BACH2: variants seen among roughly 807,000 people sequenced by gnomAD.
The protein encoded by BACH2 is BACH transcriptional regulator 2, also known as transcription regulator protein BACH2.
Under a neutral mutation model 61.8 loss-of-function variants are expected in BACH2, and 5 were observed. That is an observed-to-expected ratio of 0.08 (90% CI 0.04 to 0.17). The LOEUF is 0.17. Among genes scored for constraint, BACH2 ranks in the 10% least tolerant of loss-of-function variants. The pLI is 1.00. For missense variants in BACH2, 824 were observed against 1,091.1 expected (o/e 0.76, Z 3.45); for synonymous variants, 446 against 440.1 (o/e 1.01, Z -0.17).
At chr6:90,287,180 A>C (rs2127890040) in intron 1 of BACH2, among the ~76,000 whole-genome samples, 1 of 152,276 alleles carries the variant, frequency 6.6e-6, no homozygotes, top group South Asian at 2.1e-4. Context: ...CCAGGTATTT[A>C]CCTGCCAACA....
In BACH2 at chr6:90,058,775, C is replaced by T. The variant is rs531868531; in HGVS notation, c.-13+30186G>A. Among the ~76,000 whole-genome samples, 4 of 152,122 alleles carry T rather than the reference C, an allele frequency of 2.6e-5. No individual in the cohort carries two copies. The East Asian group carries it at 7.7e-4, about 29-fold the overall frequency. On this transcript the variant is annotated intron_variant, in intron 5 of 8. Coordinates refer to ENST00000257749, the MANE Select transcript of BACH2 (RefSeq NM_021813.4). ...AGCATGGTACTGGTACCAAGACAGACATATAGATCAATGGAACAGAACAGA... is the reference window on the plus strand; with the variant it reads ...AGCATGGTACTGGTACCAAGACAGATATATAGATCAATGGAACAGAACAGA...
intron 4 of BACH2, among the ~76,000 whole-genome samples, chr6:90,100,708 C>CACATACACACACACACAG (rs879484053): frequency 0.12 from 17,002 of 143,106 alleles, 1,330 homozygotes; most frequent in Non-Finnish European, 0.16. Flanking sequence ...CACAGACACA[C>CACATACACACACACACAG]ACACACACAC....
chr6:90,219,192 T>C (rs372740013), intron 3 of BACH2, among the ~76,000 whole-genome samples: 3 of 152,210 alleles, frequency 2.0e-5, no homozygotes, highest in African/African-American at 7.2e-5. Flanking sequence ...CTAAAAGTCT[T>C]TCTTGTAAGT....
chr6:90,279,522 CAAAA>C (rs10637718), intron 1 of BACH2, among the ~76,000 whole-genome samples: 1 of 124,194 alleles, frequency 8.1e-6, no homozygotes, highest in Admixed American at 8.2e-5. Flanking sequence ...GACTCCGTCT[CAAAA>C]AAAAAAAAAA....
At chr6:90,118,554 A>C (rs890646609) in intron 4 of BACH2, among the ~76,000 whole-genome samples, 4 of 152,322 alleles carry the variant, frequency 2.6e-5, no homozygotes, top group African/African-American at 9.6e-5. Context: ...CCTCTTGTTA[A>C]TACAGGCATA....
intron 5 of BACH2, among the ~76,000 whole-genome samples, chr6:90,071,117 T>C (rs1417131702): frequency 1.3e-5 from 2 of 152,198 alleles, no homozygotes; most frequent in Non-Finnish European, 2.9e-5. Flanking sequence ...GCCCAAAGCA[T>C]TGGAATTACA....
At position 90,242,388 on chromosome 6, in the gene BACH2, G is replaced by C. The variant is rs569882024; in HGVS notation, c.-275+10125C>G. On this transcript the variant is annotated intron_variant, in intron 3 of 8. Transcript: ENST00000257749. Reference sequence around the variant, plus strand: ...CTTTCACTTAGCAATATGCATTTAAGGTTCCTTTGTGTCTTTCTGTGGCTT... The same window carrying C: ...CTTTCACTTAGCAATATGCATTTAACGTTCCTTTGTGTCTTTCTGTGGCTT... 2.0e-5 allele frequency among the ~76,000 whole-genome samples: 3 copies of C among 152,276 alleles called. No homozygotes were observed. The East Asian group carries it at 5.8e-4, about 29-fold the overall frequency.
intron 4 of BACH2, among the ~76,000 whole-genome samples, chr6:90,115,252 C>A (rs1435945356): frequency 6.6e-6 from 1 of 152,170 alleles, no homozygotes; most frequent in East Asian, 1.9e-4. Context: ...TGAGGAATCA[C>A]GTTACCTGAC....
intron 1 of BACH2, among the ~76,000 whole-genome samples, chr6:90,277,299 G>C (rs926031530): frequency 3.3e-5 from 5 of 152,136 alleles, no homozygotes; most frequent in African/African-American, 4.8e-5. Flanking sequence ...ATATAGCATG[G>C]AGAATGAAAA....
chr6:90,095,147 G>A (rs1436526809), intron 4 of BACH2, among the ~76,000 whole-genome samples: 2 of 151,928 alleles, frequency 1.3e-5, no homozygotes, highest in South Asian at 2.1e-4. Flanking sequence ...GTAGTCGCAC[G>A]CCATTTTATG....
At chr6:90,069,908 T>C (rs956172410) in intron 5 of BACH2, among the ~76,000 whole-genome samples, 3 of 152,016 alleles carry the variant, frequency 2.0e-5, no homozygotes, top group Admixed American at 6.5e-5. Context: ...AGGTCAGGTC[T>C]GGGGGCAGGT....
chr6:90,129,873 T>A (rs1389164682), intron 4 of BACH2, among the ~76,000 whole-genome samples: 4 of 151,950 alleles, frequency 2.6e-5, no homozygotes, highest in African/African-American at 9.7e-5. Flanking sequence ...TTTTTGTTGT[T>A]GTTGTTTGTT....
At chr6:90,112,754 T>C (rs1380436430) in intron 4 of BACH2, among the ~76,000 whole-genome samples, 3 of 152,064 alleles carry the variant, frequency 2.0e-5, no homozygotes, top group Admixed American at 1.3e-4. Flanking sequence ...ATACATACAA[T>C]ACTAACCTTG....
chr6:90,243,870 T>C (rs376950532), intron 3 of BACH2, among the ~76,000 whole-genome samples: 1 of 152,220 alleles, frequency 6.6e-6, no homozygotes, highest in African/African-American at 2.4e-5. Flanking sequence ...ATTTCATTGA[T>C]TGGAATAGCT....
At chr6:90,257,270 T>C (rs184645288) in intron 2 of BACH2, among the ~76,000 whole-genome samples, 202 of 152,296 alleles carry the variant, frequency 1.3e-3, no homozygotes, top group Non-Finnish European at 1.8e-3. Flanking sequence ...TCATATATGG[T>C]AGTTCTGTTT....
intron 7 of BACH2, among the ~76,000 whole-genome samples, chr6:89,949,784 G>T (rs1265465786): frequency 2.0e-5 from 3 of 152,122 alleles, no homozygotes; most frequent in Admixed American, 1.3e-4. Flanking sequence ...GGGGTCTTCT[G>T]TTGACAAGGA....
chr6:90,086,327 C>CT lies in BACH2; in HGVS notation c.-13+2633dup, dbSNP rs374889406. ...ACACATCTATCTGCTCAATTCCCTACTTTCACTTTTTTTGGTATATACCCA... is the reference window on the plus strand; with the variant it reads ...ACACATCTATCTGCTCAATTCCCTACTTTTCACTTTTTTTGGTATATACCCA... On this transcript the variant is annotated intron_variant, in intron 5 of 8. Coordinates refer to ENST00000257749, the MANE Select transcript of BACH2 (RefSeq NM_021813.4). Among the ~76,000 whole-genome samples, 387 of 152,282 alleles carry CT rather than the reference C, an allele frequency of 2.5e-3. 3 individuals carry two copies. The highest frequency in any genetic ancestry group is 8.8e-3 in the African/African-American group (365 of 41,560).
At chr6:90,010,066 C>A (rs1473049941) in intron 5 of BACH2, among the ~76,000 whole-genome samples, 1 of 152,164 alleles carries the variant, frequency 6.6e-6, no homozygotes, top group Non-Finnish European at 1.5e-5. Context: ...GTAGCGAGTC[C>A]TACTTTCTTT....
At position 90,246,045 on chromosome 6, in the gene BACH2, C is replaced by T. The variant is rs144778993; in HGVS notation, c.-275+6468G>A. On this transcript the variant is annotated intron_variant, in intron 3 of 8. Coordinates refer to ENST00000257749, the MANE Select transcript of BACH2 (RefSeq NM_021813.4). ...GGCAGAAGTTAAGTTGGACTGATAA[C>T]GTGGCAAGCTGGGTCTGAGTGACTA... 2.8e-3 allele frequency among the ~76,000 whole-genome samples: 432 copies of T among 152,226 alleles called. 2 individuals are homozygous for T. The highest frequency in any genetic ancestry group is 9.9e-3 in the African/African-American group (412 of 41,532).
Sources: allele counts gnomAD v4.1 joint callset (sites outside exome capture counted in the v4.1 genomes callset), GRCh38; gene constraint gnomAD v4.1.1; transcripts MANE v1.5; gene names NCBI Gene and HGNC (gene_info 2026-07-23, HGNC 2026-07-21).